SLC4A10: variants seen among roughly 807,000 people sequenced by gnomAD.
SLC4A10 encodes sodium-driven chloride bicarbonate exchanger.
A neutral mutation model predicts 137.7 loss-of-function variants in SLC4A10; 42 were observed. That is an observed-to-expected ratio of 0.30 (90% CI 0.24 to 0.39). SLC4A10 has a LOEUF of 0.39. Among genes scored for constraint, SLC4A10 ranks in the 10% least tolerant of loss-of-function variants. The pLI is 1.00. For missense variants in SLC4A10, 925 were observed against 1,355.0 expected, an observed-to-expected ratio of 0.68 and a Z score of 4.98; for synonymous variants, 474 against 464.1, an observed-to-expected ratio of 1.02 and a Z score of -0.27.
intron 3 of SLC4A10, among the ~76,000 whole-genome samples, chr2:161,829,724 G>C (rs189808291): frequency 2.0e-5 from 3 of 152,150 alleles, no homozygotes; most frequent in African/African-American, 7.2e-5. Flanking sequence ...TCATGCTGCT[G>C]ATAAAGACAT....
intron 3 of SLC4A10, among the ~76,000 whole-genome samples, chr2:161,809,733 G>A (rs1314163203): frequency 6.6e-6 from 1 of 151,846 alleles, no homozygotes; most frequent in Non-Finnish European, 1.5e-5. Context: ...CCATTAGTGT[G>A]TGTGTCTGTT....
chr2:161,787,072 A>T (rs1242976639), intron 2 of SLC4A10, among the ~76,000 whole-genome samples: 1 of 151,922 alleles, frequency 6.6e-6, no homozygotes, highest in African/African-American at 2.4e-5. Context: ...CTTTTTCCCC[A>T]CGTTTACAAC....
intron 15 of SLC4A10, among the ~76,000 whole-genome samples, chr2:161,940,286 A>G (rs573360648): frequency 6.6e-6 from 1 of 152,256 alleles, no homozygotes; most frequent in Admixed American, 6.5e-5. Flanking sequence ...AGAGGAGAAG[A>G]CCAACAGCGT....
intron 19 of SLC4A10, among the ~76,000 whole-genome samples, chr2:161,952,471 G>C (rs1464687483): frequency 6.6e-6 from 1 of 152,142 alleles, no homozygotes; most frequent in African/African-American, 2.4e-5. Context: ...TGCAGAACTA[G>C]AACTATTTTT....
intron 3 of SLC4A10, among the ~76,000 whole-genome samples, chr2:161,820,712 A>G (rs1406978767): frequency 6.6e-6 from 1 of 152,202 alleles, no homozygotes; most frequent in African/African-American, 2.4e-5. Context: ...TTTGGATCAT[A>G]TGCAATTAGA....
intron 1 of SLC4A10, among the ~76,000 whole-genome samples, chr2:161,631,894 G>A (rs1331164696): frequency 1.3e-5 from 2 of 151,702 alleles, no homozygotes; most frequent in East Asian, 3.9e-4. Flanking sequence ...TATAGCCAAA[G>A]ACTCTTGATA....
intron 7 of SLC4A10, among the ~76,000 whole-genome samples, chr2:161,873,361 T>C (rs1369624772): frequency 6.6e-6 from 1 of 151,214 alleles, no homozygotes; most frequent in African/African-American, 2.4e-5. Context: ...AAAGTAACAA[T>C]TGAGTGGAAA....
At chr2:161,955,353 G>A (rs1349073394) in intron 19 of SLC4A10, among the ~76,000 whole-genome samples, 2 of 152,190 alleles carry the variant, frequency 1.3e-5, no homozygotes, top group Non-Finnish European at 2.9e-5. Flanking sequence ...TGGTTATGCT[G>A]ACACCAGGCA....
intron 1 of SLC4A10, among the ~76,000 whole-genome samples, chr2:161,727,831 C>T (rs752540447): frequency 6.6e-6 from 1 of 152,054 alleles, no homozygotes; most frequent in Non-Finnish European, 1.5e-5. Context: ...ATAATCCCAA[C>T]AAATTTTAAA....
chr2:161,749,872 G>T (rs1201497494), intron 1 of SLC4A10, among the ~76,000 whole-genome samples: 1 of 151,802 alleles, frequency 6.6e-6, no homozygotes, highest in Admixed American at 6.6e-5. Context: ...GAAGAATTCA[G>T]ATGTGAAGCC....
intron 3 of SLC4A10, among the ~76,000 whole-genome samples, chr2:161,818,570 A>G (rs547956168): frequency 2.2e-4 from 34 of 152,256 alleles, no homozygotes; most frequent in South Asian, 8.3e-4. Flanking sequence ...TTCAAAGGGA[A>G]TGCTTCCAGT....
At chr2:161,668,916 C>A (rs1479875691) in intron 1 of SLC4A10, among the ~76,000 whole-genome samples, 1 of 151,840 alleles carries the variant, frequency 6.6e-6, no homozygotes, top group African/African-American at 2.4e-5. Flanking sequence ...CTAAAGGATG[C>A]CTTAATTCAT....
intron 18 of SLC4A10, among the ~76,000 whole-genome samples, chr2:161,949,578 G>A (rs1694425033): frequency 6.6e-6 from 1 of 151,950 alleles, no homozygotes; most frequent in African/African-American, 2.4e-5. Flanking sequence ...GATTATCTTG[G>A]CAGAATTGTA....
intron 6 of SLC4A10, among the ~76,000 whole-genome samples, chr2:161,870,115 A>G (rs575633813): frequency 6.0e-5 from 9 of 151,154 alleles, no homozygotes; most frequent in African/African-American, 1.7e-4. Flanking sequence ...AGAATAGCAT[A>G]CAACAATCTC....
intron 19 of SLC4A10, among the ~76,000 whole-genome samples, chr2:161,956,236 T>TATC (rs1199247943): frequency 1.3e-5 from 2 of 152,184 alleles, no homozygotes; most frequent in East Asian, 1.9e-4. Flanking sequence ...TGCCTTCTAC[T>TATC]ATCATCATCA....
At chr2:161,706,029 C>T (rs1225339886) in intron 1 of SLC4A10, among the ~76,000 whole-genome samples, 1 of 151,352 alleles carries the variant, frequency 6.6e-6, no homozygotes, top group Non-Finnish European at 1.5e-5. Flanking sequence ...AATGGGAGAT[C>T]ATAGTTTTTA....
rs1046651055 is a variant in SLC4A10, at chr2:161,984,208, C to T, written c.*1056C>T. ...TTTTTTCTGCAGAGTTTTTTTTTTC[C>T]ACTTTTAAATTAAATGCATGTTGTG... On this transcript the variant is annotated 3_prime_UTR_variant, in exon 27 of 27. Coordinates refer to ENST00000446997, the MANE Select transcript of SLC4A10 (RefSeq NM_001178015.2). 9.9e-5 allele frequency: 15 copies of T among 151,444 alleles called. No individual in the cohort carries two copies. The highest frequency in any genetic ancestry group is 2.1e-4 in the Non-Finnish European group (14 of 67,812). The allele number at this position is 151,444 out of a possible 1,614,324, so 9.4% of individuals were successfully genotyped here. A position where few individuals can be genotyped will look rare whatever the true frequency, so the allele number is the denominator to read the frequency against.
chr2:161,910,084 A>T (rs1328674388), intron 15 of SLC4A10, among the ~76,000 whole-genome samples: 1 of 152,190 alleles, frequency 6.6e-6, no homozygotes, highest in East Asian at 1.9e-4. Context: ...TATAATGTGC[A>T]TATTTGTTTG....
At chr2:161,882,127 A>AT (rs1553606484) in intron 9 of SLC4A10, among the ~76,000 whole-genome samples, 3,467 of 147,586 alleles carry the variant, frequency 0.023, 60 homozygotes, top group Non-Finnish European at 0.032. Context: ...AAACACTGTG[A>AT]TAAAAAAAAA....
Sources: gnomAD v4.1 joint callset for allele counts (sites outside exome capture counted in the v4.1 genomes callset) on GRCh38, gnomAD v4.1.1 for gene constraint, MANE v1.5 for transcripts, NCBI Gene and HGNC (gene_info 2026-07-23, HGNC 2026-07-21) for gene names.